The following ANO4 variants were observed in gnomAD, a reference collection of about 807,000 sequenced individuals.
ANO4 encodes the protein anoctamin 4.
In ANO4, 69 loss-of-function variants were observed where a neutral mutation model predicts 141.9. The observed-to-expected ratio is 0.49, with a 90% confidence interval of 0.40 to 0.59. ANO4 has a LOEUF of 0.59. Ranked by LOEUF, ANO4 falls within the 20% of genes least tolerant of loss-of-function variation. The pLI is 0.00. For synonymous variants in ANO4, 350 were observed against 394.3 expected, an observed-to-expected ratio of 0.89 and a Z score of 1.33; for missense variants, 894 against 1,162.2, an observed-to-expected ratio of 0.77 and a Z score of 3.36.
At chr12:100,957,254 C>T (rs979712577) in intron 5 of ANO4, among the ~76,000 whole-genome samples, 2 of 152,166 alleles carry the variant, frequency 1.3e-5, no homozygotes, top group African/African-American at 2.4e-5. Context: ...TAGACACATG[C>T]GAAGAGAGGC....
chr12:100,945,242 T>C (rs2042677455), intron 5 of ANO4, among the ~76,000 whole-genome samples: 1 of 152,224 alleles, frequency 6.6e-6, no homozygotes, highest in Non-Finnish European at 1.5e-5. Flanking sequence ...CTTATCTCTT[T>C]AACATTGAAT....
chr12:100,855,723 G>C (rs907208860), intron 1 of ANO4, among the ~76,000 whole-genome samples: 1 of 152,122 alleles, frequency 6.6e-6, no homozygotes, highest in Non-Finnish European at 1.5e-5. Context: ...TTGCCAATTT[G>C]ACCTTTGAAT....
chr12:101,116,329 G>A lies in ANO4; in HGVS notation c.2451-350G>A, dbSNP rs373414878. On this transcript the variant is annotated intron_variant, in intron 24 of 27. Transcript: ENST00000392977. ...TATAAATATATATGAAACCATTAATGAGGAACTGTGTTTATGTGTATCATC... is the reference window on the plus strand; with the variant it reads ...TATAAATATATATGAAACCATTAATAAGGAACTGTGTTTATGTGTATCATC... 1.0e-3 allele frequency among the ~76,000 whole-genome samples: 157 copies of A among 152,268 alleles called. 3 individuals are homozygous for A. In the South Asian group the frequency reaches 0.031, roughly 31 times the overall value.
rs370116595 is a variant in ANO4, at chr12:101,033,715, C to A, written c.842-3380C>A. On this transcript the variant is annotated intron_variant, in intron 9 of 27. Transcript: ENST00000392977. ...CAGAGTGAACAGACAATCTACAGAG[C>A]GGGAGAAATTTTTTGCAATCTAGCC... Among the ~76,000 whole-genome samples, 17 of 152,042 alleles carry A rather than the reference C, an allele frequency of 1.1e-4. No individual in the cohort carries two copies. The East Asian group carries it at 3.3e-3, about 29-fold the overall frequency.
chr12:101,053,585 A>G (rs1263667513), intron 14 of ANO4, among the ~76,000 whole-genome samples: 3 of 151,900 alleles, frequency 2.0e-5, no homozygotes, highest in African/African-American at 7.3e-5. Context: ...CATCACTCCT[A>G]TCTCTGCCTC....
chr12:100,753,175 A>G (rs909007910), intron 3 of ANO4, among the ~76,000 whole-genome samples: 1 of 152,318 alleles, frequency 6.6e-6, no homozygotes, highest in African/African-American at 2.4e-5. Flanking sequence ...CTAATAGTTC[A>G]TCAGCCAAAG....
intron 9 of ANO4, among the ~76,000 whole-genome samples, chr12:101,035,812 A>G (rs1280556847): frequency 1.3e-5 from 2 of 152,170 alleles, no homozygotes; most frequent in Non-Finnish European, 2.9e-5. Context: ...TTGAGTACAC[A>G]TGGACAAAGA....
At chr12:100,890,336 A>G (rs1486215065) in intron 1 of ANO4, among the ~76,000 whole-genome samples, 1 of 152,202 alleles carries the variant, frequency 6.6e-6, no homozygotes, top group East Asian at 1.9e-4. Context: ...CCTATTTAAT[A>G]AAAATTTTGA....
intron 2 of ANO4, 29 bp downstream of exon 2, chr12:100,901,869 C>T (rs1283366017): frequency 1.3e-6 from 2 of 1,555,746 alleles, no homozygotes; most frequent in East Asian, 4.5e-5. Context: ...CAACGGGGAC[C>T]CATTTCAGTA....
chr12:100,797,385 G>A (rs968883596), intron 1 of ANO4, among the ~76,000 whole-genome samples: 2 of 147,258 alleles, frequency 1.4e-5, no homozygotes, highest in African/African-American at 5.0e-5. Flanking sequence ...GCATTTCCTT[G>A]TCTCACAGCA....
intron 8 of ANO4, among the ~76,000 whole-genome samples, chr12:100,990,830 A>G (rs915307004): frequency 3.9e-5 from 6 of 152,214 alleles, no homozygotes; most frequent in Admixed American, 2.6e-4. Context: ...GGCGAAAGGC[A>G]TCCCAAGAGG....
intron 5 of ANO4, among the ~76,000 whole-genome samples, chr12:100,959,437 G>A (rs1265108003): frequency 6.6e-6 from 1 of 152,000 alleles, no homozygotes; most frequent in Admixed American, 6.6e-5. Flanking sequence ...TGACCACTCC[G>A]TTTCTCTTCT....
At chr12:101,090,395 A>T (rs2049714380) in intron 17 of ANO4, among the ~76,000 whole-genome samples, 1 of 152,232 alleles carries the variant, frequency 6.6e-6, no homozygotes, top group African/African-American at 2.4e-5. Context: ...TGGCACATAT[A>T]CACCAAGGAA....
At chr12:100,823,517 A>G (rs570510620) in intron 1 of ANO4, among the ~76,000 whole-genome samples, 4 of 151,932 alleles carry the variant, frequency 2.6e-5, no homozygotes, top group East Asian at 3.9e-4. Flanking sequence ...TATTGCTTCT[A>G]TCTATCACTT....
At chr12:101,070,390 A>G (rs1362729716) in intron 14 of ANO4, among the ~76,000 whole-genome samples, 1 of 152,212 alleles carries the variant, frequency 6.6e-6, no homozygotes, top group Non-Finnish European at 1.5e-5. Flanking sequence ...CTCATTTTTG[A>G]CAAAGTTGCC....
chr12:101,013,154 TC>T (rs2046170907), intron 8 of ANO4, among the ~76,000 whole-genome samples: 2 of 152,206 alleles, frequency 1.3e-5, no homozygotes, highest in African/African-American at 2.4e-5. Flanking sequence ...AACAGGTTTT[TC>T]CTTTATAAGG....
intron 15 of ANO4, among the ~76,000 whole-genome samples, chr12:101,081,013 A>G (rs533478383): frequency 1.9e-3 from 215 of 111,868 alleles, no homozygotes; most frequent in African/African-American, 7.0e-3. Flanking sequence ...ACATATATAT[A>G]TGTATGTGAG....
chr12:100,820,915 ACT>A (rs1335149017), intron 1 of ANO4, among the ~76,000 whole-genome samples: 2 of 151,996 alleles, frequency 1.3e-5, no homozygotes, highest in African/African-American at 4.8e-5. Flanking sequence ...GGTGATTTGC[ACT>A]GTGCTCAGCT....
At chr12:100,826,506 C>T (rs375811657) in intron 1 of ANO4, among the ~76,000 whole-genome samples, 6 of 151,960 alleles carry the variant, frequency 3.9e-5, no homozygotes, top group Non-Finnish European at 7.4e-5. Context: ...TGTATTTGGT[C>T]CATACCAGCG....
Sources: gnomAD v4.1 joint callset for allele counts (sites outside exome capture counted in the v4.1 genomes callset) on GRCh38, gnomAD v4.1.1 for gene constraint, MANE v1.5 for transcripts, NCBI Gene and HGNC (gene_info 2026-07-23, HGNC 2026-07-21) for gene names.